Variants in RNF10 observed in about 807,000 individuals in gnomAD.
RNF10 encodes the protein E3 ubiquitin-protein ligase RNF10.
Under a neutral mutation model 91.4 loss-of-function variants are expected in RNF10, and 38 were observed. That is an observed-to-expected ratio of 0.42 (90% CI 0.32 to 0.54). RNF10 has a LOEUF of 0.54. Ranked by LOEUF, RNF10 falls within the 20% of genes least tolerant of loss-of-function variation. The probability of loss-of-function intolerance (pLI) is 0.16; values close to 1 mark genes in which losing one functional copy is unlikely to be tolerated. For synonymous variants in RNF10, 364 were observed against 366.3 expected, an observed-to-expected ratio of 0.99 and a Z score of 0.07; for missense variants, 945 against 1,012.0, an observed-to-expected ratio of 0.93 and a Z score of 0.90.
At chr12:120,559,653 G>A (rs1174288240) in intron 6 of RNF10, among the ~76,000 whole-genome samples, 8 of 150,954 alleles carry the variant, frequency 5.3e-5, no homozygotes, top group Non-Finnish European at 4.4e-5. Flanking sequence ...AAAGTGCTGG[G>A]ATTACAGGTG....
At position 120,563,908 on chromosome 12, in the gene RNF10, A is replaced by G. The variant is rs1244524198; in HGVS notation, c.1630A>G (p.Thr544Ala). ...GAGGAGCCCCGAGAAGATCTCAGCA[A>G]CTGTGGTGGAGATTGCTGGCTACTC... ...LERSPEKISA[T>A]VVEIAGYSMS... The change falls in exon 10 of 17, where the codon ACT (threonine) becomes GCT (alanine). Residue 544 changes from threonine (T) to alanine (A), a missense_variant. Physicochemically the swap from Thr to Ala is moderately conservative, Grantham distance 58. Transcript: ENST00000325954. The G allele has an allele frequency of 2.5e-6, 4 of 1,614,162 alleles. No individual in the cohort carries two copies. The East Asian group carries it at 6.7e-5, about 27-fold the overall frequency.
chr12:120,577,018 G>T lies in RNF10; in HGVS notation c.*352G>T. The T allele has an allele frequency of 1.1e-5, 4 of 370,498 alleles. 1 individual carries two copies. Among genetic ancestry groups the T allele is most frequent in the South Asian group, 8.3e-5 (4 of 47,978 alleles). The allele number at this position is 370,498 out of a possible 1,614,324, so 23.0% of individuals were successfully genotyped here. A position where few individuals can be genotyped will look rare whatever the true frequency, so the allele number is the denominator to read the frequency against. ...CATTAGAGCAGTCCAACCCAGAATG[G>T]CACACACTGCTCTGCTGTAGCATCA... On this transcript the variant is annotated 3_prime_UTR_variant, in exon 17 of 17. Transcript: ENST00000325954.
At chr12:120,565,259 G>A (rs1252825272) in intron 11 of RNF10, 70 bp downstream of exon 11, 1 of 1,232,368 alleles carries the variant, frequency 8.1e-7, no homozygotes, top group African/African-American at 1.5e-5. Context: ...ACACCCAGTG[G>A]GGGAGGAAAC....
chr12:120,539,547 C>A, intron 1 of RNF10: 1 of 591,496 alleles, frequency 1.7e-6, no homozygotes, highest in Non-Finnish European at 2.8e-6. Context: ...TAGGCCGAGC[C>A]ACCTGTTAGA....
intron 2 of RNF10, 131 bp downstream of exon 2, chr12:120,546,732 T>A: frequency 2.7e-6 from 2 of 742,328 alleles, no homozygotes; most frequent in Non-Finnish European, 4.1e-6. Flanking sequence ...CAGTCTTGAG[T>A]AGGCGAGAGG....
At position 120,556,434 on chromosome 12, in the gene RNF10, G is replaced by A. The variant is rs1874023657; in HGVS notation, c.646-848G>A. ...TAGTCACAGCTACTTGGGAGGCTGA[G>A]GCAGGAGAATGGCGTGAACCCGGGA... is the stretch of plus-strand genomic sequence containing the variant. On this transcript the variant is annotated intron_variant, in intron 4 of 16. Transcript: ENST00000325954. 3.3e-5 allele frequency among the ~76,000 whole-genome samples: 5 copies of A among 149,700 alleles called. No homozygotes were observed. The South Asian group carries it at 1.1e-3, about 32-fold the overall frequency.
intron 4 of RNF10, among the ~76,000 whole-genome samples, chr12:120,555,850 G>A (rs1023058880): frequency 8.6e-5 from 13 of 151,128 alleles, no homozygotes; most frequent in South Asian, 2.1e-4. Flanking sequence ...GTGCAGTGGC[G>A]CGATGTTGGC....
At chr12:120,554,878 A>C in intron 4 of RNF10, 70 bp downstream of exon 4, 1 of 1,246,170 alleles carries the variant, frequency 8.0e-7, no homozygotes, top group Non-Finnish European at 1.2e-6. Context: ...GTGACGCAGC[A>C]GCTGTTGGCT....
rs1172060612 is a variant in RNF10, at chr12:120,556,479, C to G, written c.646-803C>G. Reference sequence around the variant, plus strand: ...CCGGGAGATGGAGCTTGCAGTGAGCCGAGATGGCGCCACTGCACTCCAGCC... The same window carrying G: ...CCGGGAGATGGAGCTTGCAGTGAGCGGAGATGGCGCCACTGCACTCCAGCC... On this transcript the variant is annotated intron_variant, in intron 4 of 16. Coordinates refer to ENST00000325954, the MANE Select transcript of RNF10 (RefSeq NM_014868.5). 4.0e-5 allele frequency among the ~76,000 whole-genome samples: 5 copies of G among 124,618 alleles called. No individual in the cohort carries two copies. The East Asian group carries it at 1.3e-3, about 33-fold the overall frequency. The allele number at this position is 124,618 out of a possible 152,430, so 81.8% of individuals were successfully genotyped here.
At chr12:120,545,696 C>T (rs573210304) in intron 1 of RNF10, among the ~76,000 whole-genome samples, 132 of 152,180 alleles carry the variant, frequency 8.7e-4, no homozygotes, top group Non-Finnish European at 1.6e-3. Context: ...CGCCACCATG[C>T]GCGGCTAATT....
intron 1 of RNF10, among the ~76,000 whole-genome samples, chr12:120,537,875 A>G (rs753976084): frequency 4.6e-5 from 7 of 152,144 alleles, no homozygotes; most frequent in Non-Finnish European, 8.8e-5. Context: ...ATATGTGGAG[A>G]TTAAAAGGTT....
chr12:120,565,111 C>T lies in RNF10; in HGVS notation c.1705C>T (p.Leu569Phe). The T allele has an allele frequency of 6.2e-7, 1 of 1,614,046 alleles. No homozygotes were observed. Among genetic ancestry groups the T allele is most frequent in the Non-Finnish European group, 8.5e-7 (1 of 1,179,920 alleles). Residue 569 changes from leucine to phenylalanine, a missense_variant, in exon 11 of 17, where the codon CTC becomes TTC. Transcript: ENST00000325954. ...QRHRYLSHLP[L>F]TCEFSICELA... The stretch of plus-strand genomic sequence containing the variant: ...TCACAGATATCTCTCTCACTTGCCA[C>T]TCACCTGTGAGTTCAGCATCTGTGA...
At chr12:120,563,748 G>T in intron 9 of RNF10, 62 bp from the exon 10 acceptor site, 1 of 1,598,964 alleles carries the variant, frequency 6.3e-7, no homozygotes. Flanking sequence ...GGCATGGGGA[G>T]GGGTGGGGAG....
intron 11 of RNF10, 113 bp from the exon 12 acceptor site, chr12:120,565,315 C>CT: frequency 8.7e-7 from 1 of 1,155,664 alleles, no homozygotes. Flanking sequence ...AACACTTCAT[C>CT]TGTTCATCTA....
intron 1 of RNF10, among the ~76,000 whole-genome samples, chr12:120,536,953 C>T (rs181056468): frequency 4.6e-5 from 7 of 152,326 alleles, no homozygotes; most frequent in Admixed American, 3.3e-4. Flanking sequence ...ATGTCCTTCA[C>T]TTTGAATATG....
At chr12:120,544,152 G>A (rs1450137319) in intron 1 of RNF10, among the ~76,000 whole-genome samples, 11 of 151,438 alleles carry the variant, frequency 7.3e-5, no homozygotes, top group African/African-American at 2.2e-4. Context: ...GCTGGAACCC[G>A]GGAGGTAGAG....
intron 15 of RNF10, 34 bp downstream of exon 15, chr12:120,575,722 GCTT>G (rs1339391417): frequency 2.5e-6 from 4 of 1,613,988 alleles, no homozygotes; most frequent in Non-Finnish European, 3.4e-6. Context: ...GGGGAGTTTG[GCTT>G]CTTTCCATAA....
At chr12:120,552,906 A>G (rs1289636919) in intron 3 of RNF10, among the ~76,000 whole-genome samples, 6 of 152,142 alleles carry the variant, frequency 3.9e-5, no homozygotes, top group Non-Finnish European at 7.3e-5. Context: ...TAATGCTTAA[A>G]TAACTTAGTA....
intron 13 of RNF10, among the ~76,000 whole-genome samples, chr12:120,570,962 G>A (rs1381643136): frequency 6.6e-6 from 1 of 152,142 alleles, no homozygotes; most frequent in Non-Finnish European, 1.5e-5. Flanking sequence ...TAGAGTTACT[G>A]TAACGATGAA....
Sources: allele counts gnomAD v4.1 joint callset (sites outside exome capture counted in the v4.1 genomes callset), GRCh38; gene constraint gnomAD v4.1.1; transcripts MANE v1.5; gene names NCBI Gene and HGNC (gene_info 2026-07-23, HGNC 2026-07-21).